The following SETD1B variants were observed in gnomAD, a reference collection of about 807,000 sequenced individuals.
SETD1B encodes the protein histone-lysine N-methyltransferase SETD1B.
In SETD1B, 7 loss-of-function variants were observed where a neutral mutation model predicts 148.0. The observed-to-expected ratio is 0.05, with a 90% confidence interval of 0.03 to 0.09. SETD1B has a LOEUF of 0.09. Among genes scored for constraint, SETD1B ranks in the 10% least tolerant of loss-of-function variants. The probability of loss-of-function intolerance (pLI) is 1.00; values close to 1 mark genes in which losing one functional copy is unlikely to be tolerated. For synonymous variants in SETD1B, 1,361 were observed against 1,186.5 expected, an observed-to-expected ratio of 1.15 and a Z score of -3.02; for missense variants, 2,155 against 2,729.9, an observed-to-expected ratio of 0.79 and a Z score of 4.69.
Position 121,817,150 on chromosome 12 carries a change from G to A in SETD1B, c.2833G>A (p.Glu945Lys). Residue 945 changes from glutamate (E) to lysine (K), a missense_variant, in exon 8 of 17, where the codon GAG becomes AAG. By Grantham distance (56) the Glu-to-Lys change is moderately conservative. Transcript: ENST00000604567. This position sits in a 1 kb window ranked among gnomAD's most constrained non-coding sequence, Gnocchi z 8.1. ...SWGKGEGLGY[E>K]GLGLGIGLRG... ...GGGCAAGGGCGAGGGCCTGGGCTAC[G>A]AGGGCCTGGGCCTGGGCATTGGGCT... is the stretch of plus-strand genomic sequence containing the variant. 1 of 1,549,068 alleles carries A rather than the reference G, an allele frequency of 6.5e-7. No individual in the cohort carries two copies. The highest frequency in any genetic ancestry group is 2.4e-5 in the East Asian group (1 of 40,914).
chr12:121,828,411 G>C (rs1050882817), intron 16 of SETD1B, among the ~76,000 whole-genome samples: 2 of 152,242 alleles, frequency 1.3e-5, no homozygotes, highest in Non-Finnish European at 2.9e-5. Flanking sequence ...AGTCCTGCTC[G>C]GGCCGAGCTG....
chr12:121,818,749 G>A (rs1196767545), intron 10 of SETD1B, among the ~76,000 whole-genome samples: 1 of 151,856 alleles, frequency 6.6e-6, no homozygotes, highest in Non-Finnish European at 1.5e-5. Flanking sequence ...AATTAGCCGG[G>A]CATGGTGGCA....
chr12:121,797,399 C>T, the SETD1B span: 2 of 451,210 alleles, frequency 4.4e-6, no homozygotes, highest in Non-Finnish European at 8.9e-6. Context: ...GGGCGGGGCG[C>T]CCTCGAGGGA....
At position 121,808,449 on chromosome 12, in the gene SETD1B, G is replaced by A; in HGVS notation, c.657+129G>A. 1.6e-6 allele frequency: 1 copy of A among 609,740 alleles called. No individual in the cohort carries two copies. The highest frequency in any genetic ancestry group is 2.9e-6 in the Non-Finnish European group (1 of 345,170). The allele number at this position is 609,740 out of a possible 1,614,324, so 37.8% of individuals were successfully genotyped here. A position where few individuals can be genotyped will look rare whatever the true frequency, so the allele number is the denominator to read the frequency against. On this transcript the variant is annotated intron_variant, in intron 5 of 16. Transcript: ENST00000604567. This position sits in a 1 kb window ranked among gnomAD's most constrained non-coding sequence, Gnocchi z 5.3. The stretch of plus-strand genomic sequence containing the variant: ...ACCTCACTCCAGCTTTGGAGACCAA[G>A]GCCTAGGAGGGTGTGAAGCCTGGCC...
chr12:121,830,044 C>G lies in SETD1B; in HGVS notation c.5728-22C>G, dbSNP rs755451180. 9 of 1,541,190 alleles carry G rather than the reference C, an allele frequency of 5.8e-6. No individual in the cohort carries two copies. In the South Asian group the frequency reaches 8.4e-5, roughly 14 times the overall value. Reference sequence around the variant, plus strand: ...GACCCTGGGGGACCAGGGGCTCATTCTCCCCCCCACCTTGCCTGCAGCCCA... The same window carrying G: ...GACCCTGGGGGACCAGGGGCTCATTGTCCCCCCCACCTTGCCTGCAGCCCA... On this transcript the variant is annotated intron_variant, in intron 16 of 16. Transcript: ENST00000604567. This position sits in a 1 kb window ranked among gnomAD's most constrained non-coding sequence, Gnocchi z 5.7.
rs1278803796 is a variant in SETD1B at position 121,817,674 on chromosome 12, C to T, written c.3282C>T (p.Ser1094=). 12 of 1,550,280 alleles carry T rather than the reference C, an allele frequency of 7.7e-6. No homozygotes were observed. Among genetic ancestry groups the T allele is most frequent in the Admixed American group, 2.0e-5 (1 of 50,976 alleles). ...EEEEVPRSQL[S]SSSTSSTSDK... is the part of the protein sequence containing the mutation. ...AGGAAGTCCCCAGGAGCCAGCTCTC[C>T]TCCTCCTCAACCTCATCCACATCAG... The change falls in exon 9 of 17, where the codon TCC becomes TCT. Residue 1094 remains serine (S), a synonymous_variant. Transcript: ENST00000604567. The surrounding 1 kb of genome is among the most constrained non-coding windows in gnomAD (Gnocchi z 8.1).
At chr12:121,815,823 C>CTTTTTTTTTTTT (rs994063316) in intron 7 of SETD1B, among the ~76,000 whole-genome samples, 1 of 118,156 alleles carries the variant, frequency 8.5e-6, no homozygotes, top group African/African-American at 3.3e-5. Context: ...TCTTTTCTTT[C>CTTTTTTTTTTTT]TTTTTTTTTT....
intron 13 of SETD1B, among the ~76,000 whole-genome samples, chr12:121,826,956 G>A (rs2137587829): frequency 6.6e-6 from 1 of 152,146 alleles, no homozygotes; most frequent in Middle Eastern, 3.4e-3. Flanking sequence ...AAACACCCAG[G>A]CAGAGAGGTC....
At chr12:121,803,895 T>G (rs1875545652), upstream of SETD1B, 1 of 152,986 alleles carries the variant, frequency 6.5e-6, no homozygotes, top group Non-Finnish European at 1.5e-5. This position sits in a 1 kb window ranked among gnomAD's most constrained non-coding sequence, Gnocchi z 4.7. Context: ...GCGGCGCAGC[T>G]GCCGCCGCCG....
At position 121,814,891 on chromosome 12, in the gene SETD1B, C is replaced by T. The variant is rs1876216947; in HGVS notation, c.2676C>T (p.Ala892=). The part of the protein sequence containing the change: ...RKMVEVVAFR[A]FDEWWDKKER... ...TGGTGGAAGTGGTGGCTTTCCGGGC[C>T]TTTGACGAGTGGTGGGACAAGAAGG... The change falls in exon 7 of 17, where the codon GCC becomes GCT. Residue 892 remains alanine, a synonymous_variant. Coordinates refer to ENST00000604567, the MANE Select transcript of SETD1B (RefSeq NM_001353345.2). The T allele has an allele frequency of 6.5e-7, 1 of 1,548,062 alleles. No individual in the cohort carries two copies. The highest frequency in any genetic ancestry group is 8.7e-7 in the Non-Finnish European group (1 of 1,145,098).
At chr12:121,821,611 C>T (rs568449177) in intron 11 of SETD1B, among the ~76,000 whole-genome samples, 26 of 148,852 alleles carry the variant, frequency 1.7e-4, no homozygotes, top group African/African-American at 6.0e-4. Context: ...ATTAGCAGGG[C>T]GTGGTGGCAC....
At chr12:121,817,000 A>G (rs1443746119) in intron 7 of SETD1B, 33 bp from the exon 8 acceptor site, 1 of 1,468,660 alleles carries the variant, frequency 6.8e-7, no homozygotes, top group South Asian at 1.4e-5. Flanking sequence ...TGGTGCCAGA[A>G]GCGGTGACGG....
chr12:121,818,967 G>A (rs1413811978), intron 10 of SETD1B, among the ~76,000 whole-genome samples: 6 of 152,076 alleles, frequency 3.9e-5, no homozygotes, highest in Middle Eastern at 6.8e-3. Flanking sequence ...ACTAGCGGCC[G>A]GGTGTGGTGG....
chr12:121,830,362 G>A lies in SETD1B; in HGVS notation c.*123G>A, dbSNP rs150436250. The A allele has an allele frequency of 2.5e-5, 23 of 907,238 alleles. No individual in the cohort carries two copies. Among genetic ancestry groups the A allele is most frequent in the African/African-American group, 8.5e-5 (5 of 59,062 alleles). The allele number at this position is 907,238 out of a possible 1,614,324, so 56.2% of individuals were successfully genotyped here. On this transcript the variant is annotated 3_prime_UTR_variant, in exon 17 of 17. Transcript: ENST00000604567. The surrounding 1 kb of genome is among the most constrained non-coding windows in gnomAD (Gnocchi z 5.7). ...TTTCAGGTGCTGTCCTCTACCCAGC[G>A]GCCATTCAGGGCCTGGCGCCCCACA...
chr12:121,798,805 G>A, the SETD1B span, among the ~76,000 whole-genome samples: 1 of 152,138 alleles, frequency 6.6e-6, no homozygotes, highest in African/African-American at 2.4e-5. Flanking sequence ...ACAAGGAGGG[G>A]GGCTCCGAGA....
Position 121,814,090 on chromosome 12 carries a change from C to T in SETD1B, c.1891-16C>T, listed in dbSNP as rs1260291521. The T allele has an allele frequency of 8.4e-6, 13 of 1,544,076 alleles. No homozygotes were observed. In the East Asian group the frequency reaches 2.5e-4, roughly 29 times the overall value. Reference sequence around the variant, plus strand: ...TTCCAGACTCACCTCACTGTCTCTCCCTGCTCTCTCTGCAGGGCCAGCAGT... The same window carrying T: ...TTCCAGACTCACCTCACTGTCTCTCTCTGCTCTCTCTGCAGGGCCAGCAGT... On this transcript the variant is annotated splice_polypyrimidine_tract_variant and intron_variant, in intron 6 of 16. Transcript: ENST00000604567.
chr12:121,808,406 G>T lies in SETD1B; in HGVS notation c.657+86G>T. 1.2e-6 allele frequency: 1 copy of T among 855,848 alleles called. No individual in the cohort carries two copies. 53.0% of individuals were successfully genotyped at this position (855,848 alleles called of 1,614,324 possible). ...GAAAGCCTCACCAACTCTCTTATGG[G>T]ACCCCCAGCCTACCCCCACCTCACT... On this transcript the variant is annotated intron_variant, in intron 5 of 16. Coordinates refer to ENST00000604567, the MANE Select transcript of SETD1B (RefSeq NM_001353345.2). This position sits in a 1 kb window ranked among gnomAD's most constrained non-coding sequence, Gnocchi z 5.3.
chr12:121,802,078 C>T (rs1875398197), upstream of SETD1B: 1 of 151,758 alleles, frequency 6.6e-6, no homozygotes, highest in African/African-American at 2.4e-5. Context: ...ACGAGAAAAA[C>T]AGGGCTGTTT....
At chr12:121,793,482 G>C in the SETD1B span, 1 of 1,540,084 alleles carries the variant, frequency 6.5e-7, no homozygotes, top group East Asian at 2.4e-5. Flanking sequence ...CCCCAGCCCC[G>C]CTGCGGGCCT....
Sources: gnomAD v4.1 joint callset for allele counts (sites outside exome capture counted in the v4.1 genomes callset) on GRCh38, gnomAD v4.1.1 for gene constraint, Gnocchi (gnomAD v3.1) non-coding constraint, MANE v1.5 for transcripts, NCBI Gene and HGNC (gene_info 2026-07-23, HGNC 2026-07-21) for gene names.